CCT8: variants seen among roughly 807,000 people sequenced by gnomAD.
CCT8 encodes T-complex protein 1 subunit theta.
CCT8 carries 10 observed loss-of-function variants against 65.7 expected under a neutral mutation model. The observed-to-expected ratio is 0.15, with a 90% confidence interval of 0.09 to 0.26. The LOEUF (loss-of-function observed/expected upper bound fraction) is 0.26, where lower values mean the gene tolerates loss of function less well. CCT8 is among the 10% of genes least tolerant of loss of function. The pLI, the probability that CCT8 is intolerant of heterozygous loss-of-function variation, is 1.00. For synonymous variants in CCT8, 199 were observed against 221.8 expected (o/e 0.90, Z 0.92); for missense variants, 568 against 669.1 (o/e 0.85, Z 1.67).
At chr21:29,068,057 G>A (rs958132686) in intron 3 of CCT8, among the ~76,000 whole-genome samples, 1 of 152,076 alleles carries the variant, frequency 6.6e-6, no homozygotes. Context: ...GCCTTCAGGA[G>A]AACTAAAATA....
In CCT8 at chr21:29,066,970, T is replaced by C; in HGVS notation, c.483A>G (p.Ser161=). 1.9e-6 allele frequency: 3 copies of C among 1,613,730 alleles called. No homozygotes were observed. The highest frequency in any genetic ancestry group is 1.7e-6 in the Non-Finnish European group (2 of 1,179,704). The change falls in exon 5 of 15, where the codon TCA becomes TCG. Residue 161 remains serine, a synonymous_variant. Transcript: ENST00000286788. ...AKNLRDIDEV[S]SLLRTSIMSK... is the part of the protein sequence containing the mutation. ...TCATTATGGAGGTACGAAGTAGAGA[T>C]GAGACTTCATCAATATCTCGAAGGT...
intron 1 of CCT8, among the ~76,000 whole-genome samples, chr21:29,072,879 C>CA (rs2085697662): frequency 1.3e-5 from 2 of 152,220 alleles, no homozygotes; most frequent in African/African-American, 4.8e-5. Flanking sequence ...ACACAGAACT[C>CA]AAAGACACCA....
chr21:29,070,814 C>T (rs1015132815), intron 1 of CCT8, among the ~76,000 whole-genome samples: 1 of 152,118 alleles, frequency 6.6e-6, no homozygotes, highest in African/African-American at 2.4e-5. Flanking sequence ...AGTAGAATAC[C>T]TTTCCAGAAT....
At chr21:29,066,824 A>G (rs753560529) in intron 5 of CCT8, 47 bp from the exon 6 acceptor site, 14 of 1,579,130 alleles carry the variant, frequency 8.9e-6, no homozygotes, top group East Asian at 2.2e-5. Flanking sequence ...GGGACAACAG[A>G]GAAAGTATCT....
At chr21:29,063,779 ATTTAT>A (rs1185396240) in intron 7 of CCT8, among the ~76,000 whole-genome samples, 1 of 152,076 alleles carries the variant, frequency 6.6e-6, no homozygotes, top group Admixed American at 6.6e-5. Flanking sequence ...TTATCTATTT[ATTTAT>A]TTTGAGACAG....
intron 14 of CCT8, 94 bp downstream of exon 14, chr21:29,060,447 A>G (rs1317664257): frequency 7.6e-7 from 1 of 1,314,094 alleles, no homozygotes; most frequent in Non-Finnish European, 1.1e-6. Flanking sequence ...AATCCTTTGA[A>G]TTAGAACTAT....
intron 14 of CCT8, 59 bp downstream of exon 14, chr21:29,060,482 A>G: frequency 6.5e-7 from 1 of 1,545,332 alleles, no homozygotes; most frequent in Non-Finnish European, 8.9e-7. Context: ...CTGGGAAAAT[A>G]TACTATTAAA....
intron 14 of CCT8, among the ~76,000 whole-genome samples, chr21:29,056,852 T>C (rs2085504049): frequency 6.6e-6 from 1 of 152,212 alleles, no homozygotes; most frequent in Admixed American, 6.5e-5. Context: ...AATATGTGCA[T>C]GCATCACTGG....
chr21:29,067,516 G>T, intron 4 of CCT8, 40 bp downstream of exon 4: 1 of 1,419,210 alleles, frequency 7.0e-7, no homozygotes, highest in Non-Finnish European at 9.2e-7. Flanking sequence ...GTATATGTAA[G>T]CAAAAATTTA....
Position 29,066,865 on chromosome 21 carries a change from C to G in CCT8, c.562+26G>C, listed in dbSNP as rs373606062. 74 of 1,587,682 alleles carry G rather than the reference C, an allele frequency of 4.7e-5. 1 individual carries two copies. The highest frequency in any genetic ancestry group is 3.6e-5 in the Admixed American group (2 of 56,108). ...TGTTAAAGGTATTTTTATTTTGGATCTTTTCATTTACTGATATTTACTTAC... is the reference window on the plus strand; with the variant it reads ...TGTTAAAGGTATTTTTATTTTGGATGTTTTCATTTACTGATATTTACTTAC... On this transcript the variant is annotated intron_variant, in intron 5 of 14. Transcript: ENST00000286788.
At position 29,073,565 on chromosome 21, in the gene CCT8, G is replaced by A; in HGVS notation, c.26C>T (p.Pro9Leu). ...CTCCTTGAGCATCTGGGCAAAGCCC[G>A]GAGCCTTGGGAACGTGAAGCGCCAT... The part of the protein sequence containing the change: MALHVPKA[P>L]GFAQMLKEGA... The change falls in exon 1 of 15, where the codon CCG becomes CTG. Residue 9 changes from proline to leucine, a missense_variant. Pro to Leu is a moderately conservative substitution (Grantham distance 98). Transcript: ENST00000286788. The A allele has an allele frequency of 6.2e-7, 1 of 1,614,136 alleles. No homozygotes were observed. The highest frequency in any genetic ancestry group is 8.5e-7 in the Non-Finnish European group (1 of 1,180,018).
chr21:29,060,167 C>T (rs2085547415), intron 14 of CCT8: 1 of 154,994 alleles, frequency 6.5e-6, no homozygotes, highest in Non-Finnish European at 1.4e-5. Flanking sequence ...TTTGTCATAG[C>T]AGAAAAAATT....
intron 14 of CCT8, chr21:29,059,975 G>T (rs80011837): frequency 6.6e-6 from 1 of 150,864 alleles, no homozygotes; most frequent in East Asian, 2.0e-4. Flanking sequence ...ATTACTTCTA[G>T]AATTTTGTGG....
At chr21:29,057,772 T>C (rs1242489245) in intron 14 of CCT8, among the ~76,000 whole-genome samples, 2 of 146,228 alleles carry the variant, frequency 1.4e-5, no homozygotes, top group African/African-American at 2.6e-5. Flanking sequence ...GAGATATATA[T>C]GATATATATG....
chr21:29,069,803 G>A (rs1301312325), intron 2 of CCT8, among the ~76,000 whole-genome samples: 2 of 152,184 alleles, frequency 1.3e-5, no homozygotes, highest in Non-Finnish European at 2.9e-5. Context: ...CATGCAGCAA[G>A]TGCTCAACAG....
At chr21:29,068,532 T>C (rs2085648635) in intron 3 of CCT8, among the ~76,000 whole-genome samples, 1 of 152,150 alleles carries the variant, frequency 6.6e-6, no homozygotes, top group South Asian at 2.1e-4. Context: ...CGATCTTGGC[T>C]CATTGCAACC....
At chr21:29,067,769 T>C (rs2085640162) in intron 3 of CCT8, 64 bp from the exon 4 acceptor site, 3 of 1,253,364 alleles carry the variant, frequency 2.4e-6, no homozygotes, top group South Asian at 5.8e-5. Context: ...ATTGTTCATT[T>C]CCATTTCTTA....
At chr21:29,057,702 CATATATAATATATATCATACATAT>C (rs1403232339) in intron 14 of CCT8, among the ~76,000 whole-genome samples, 37 of 79,806 alleles carry the variant, frequency 4.6e-4, no homozygotes, top group Non-Finnish European at 1.4e-3. Flanking sequence ...ATACATATAT[CATATATAATATATATCATACATAT>C]ATGTATGATA....
At chr21:29,067,470 C>T (rs969684669) in intron 4 of CCT8, 86 bp downstream of exon 4, 1 of 1,095,112 alleles carries the variant, frequency 9.1e-7, no homozygotes, top group Non-Finnish European at 1.2e-6. Flanking sequence ...TTAGCTACTA[C>T]TATAATAATG....
Sources: gnomAD v4.1 joint callset for allele counts (sites outside exome capture counted in the v4.1 genomes callset) on GRCh38, gnomAD v4.1.1 for gene constraint, MANE v1.5 for transcripts, NCBI Gene and HGNC (gene_info 2026-07-23, HGNC 2026-07-21) for gene names.